DVL3: variants seen among roughly 807,000 people sequenced by gnomAD.
The protein encoded by DVL3 is segment polarity protein dishevelled homolog DVL-3.
DVL3 carries 27 observed loss-of-function variants against 67.4 expected under a neutral mutation model. The observed-to-expected ratio is 0.40, with a 90% CI of 0.30 to 0.55. The LOEUF (loss-of-function observed/expected upper bound fraction) is 0.55, where lower values mean the gene tolerates loss of function less well. DVL3 is among the 20% of genes least tolerant of loss of function. The pLI is 0.46. For missense variants in DVL3, 819 were observed against 1,021.5 expected, an observed-to-expected ratio of 0.80 and a Z score of 2.70; for synonymous variants, 369 against 396.8, an observed-to-expected ratio of 0.93 and a Z score of 0.83.
At position 184,164,335 on chromosome 3, in the gene DVL3, A is replaced by G. The variant is rs373870236; in HGVS notation, c.300A>G (p.Pro100=). 1 of 1,614,018 alleles carries G rather than the reference A, an allele frequency of 6.2e-7. No individual in the cohort carries two copies. Among genetic ancestry groups the G allele is most frequent in the East Asian group, 2.2e-5 (1 of 44,854 alleles). ...PFCADNPSEL[P]PPMERTGGIG... Reference sequence around the variant, plus strand: ...GTGCTGATAACCCATCGGAGCTGCCACCACCTATGGAGCGCACGGGAGGCA... The same window carrying G: ...GTGCTGATAACCCATCGGAGCTGCCGCCACCTATGGAGCGCACGGGAGGCA... Residue 100 remains proline, a synonymous_variant, in exon 3 of 15, where the codon CCA becomes CCG. Transcript: ENST00000313143. This position sits in a 1 kb window ranked among gnomAD's most constrained non-coding sequence, Gnocchi z 5.3.
At chr3:184,161,470 C>T (rs1178698746) in intron 1 of DVL3, among the ~76,000 whole-genome samples, 1 of 152,010 alleles carries the variant, frequency 6.6e-6, no homozygotes, top group East Asian at 1.9e-4. Context: ...AACTTCCCAA[C>T]CTCCTCCTTG....
chr3:184,157,480 C>T (rs997405891), intron 1 of DVL3, among the ~76,000 whole-genome samples: 1 of 152,190 alleles, frequency 6.6e-6, no homozygotes, highest in African/African-American at 2.4e-5. Context: ...CTCTGGGCTG[C>T]TCTCCCAATC....
Position 184,163,751 on chromosome 3 carries a change from C to A in DVL3, c.231+25C>A. On this transcript the variant is annotated intron_variant, in intron 2 of 14. Coordinates refer to ENST00000313143, the MANE Select transcript of DVL3 (RefSeq NM_004423.4). This position sits in a 1 kb window ranked among gnomAD's most constrained non-coding sequence, Gnocchi z 4.5. ...GGTAAGGAGCCCTCAGCCTTCCATCCACCTGCATCCCTGTGCTGGGCTGGA... is the reference window on the plus strand; with the variant it reads ...GGTAAGGAGCCCTCAGCCTTCCATCAACCTGCATCCCTGTGCTGGGCTGGA... 1 of 1,605,362 alleles carries A rather than the reference C, an allele frequency of 6.2e-7. No individual in the cohort carries two copies. Among genetic ancestry groups the A allele is most frequent in the Non-Finnish European group, 8.5e-7 (1 of 1,172,158 alleles).
Position 184,167,004 on chromosome 3 carries a change from C to A in DVL3, c.1198+29C>A, listed in dbSNP as rs918007855. 1 of 1,611,412 alleles carries A rather than the reference C, an allele frequency of 6.2e-7. No individual in the cohort carries two copies. Among genetic ancestry groups the A allele is most frequent in the African/African-American group, 1.3e-5 (1 of 74,868 alleles). On this transcript the variant is annotated intron_variant, in intron 11 of 14. Coordinates refer to ENST00000313143, the MANE Select transcript of DVL3 (RefSeq NM_004423.4). The surrounding 1 kb of genome is among the most constrained non-coding windows in gnomAD (Gnocchi z 4.6). ...AGTGTCCCACCCTGTCTCCTGGGCC[C>A]AGCAGACAGGGCCAGGTGGGGGGAC...
In DVL3 at chr3:184,167,314, G is replaced by A. The variant is rs569956338; in HGVS notation, c.1199-266G>A. On this transcript the variant is annotated intron_variant, in intron 11 of 14. Transcript: ENST00000313143. The surrounding 1 kb of genome is among the most constrained non-coding windows in gnomAD (Gnocchi z 4.6). ...GGTGTAAAGTAAGCATTCAGTAAAC[G>A]GCAGCCATTTCGATTATCATCACAT... Among the ~76,000 whole-genome samples, 23 of 152,206 alleles carry A rather than the reference G, an allele frequency of 1.5e-4. No homozygotes were observed. The highest frequency in any genetic ancestry group is 4.2e-4 in the South Asian group (2 of 4,816).
Position 184,167,552 on chromosome 3 carries a change from G to A in DVL3, c.1199-28G>A, listed in dbSNP as rs866251001. 5.0e-6 allele frequency: 8 copies of A among 1,608,836 alleles called. No individual in the cohort carries two copies. In the Middle Eastern group the frequency reaches 6.6e-4, roughly 133 times the overall value. Reference sequence around the variant, plus strand: ...TTACCTAACTCCAAAGCCCCTTTCTGCCTCACCATTCTGCCTCCCACCCCC... The same window carrying A: ...TTACCTAACTCCAAAGCCCCTTTCTACCTCACCATTCTGCCTCCCACCCCC... On this transcript the variant is annotated intron_variant, in intron 11 of 14. Transcript: ENST00000313143. The surrounding 1 kb of genome is among the most constrained non-coding windows in gnomAD (Gnocchi z 4.6).
Position 184,171,055 on chromosome 3 carries a change from C to T in DVL3, c.*300C>T. The stretch of plus-strand genomic sequence containing the variant: ...ACTTGTTGGTGCTACCCCTTACTCC[C>T]CTCTGCAACCCCCATTTTGGGAGTT... On this transcript the variant is annotated 3_prime_UTR_variant, in exon 15 of 15. Coordinates refer to ENST00000313143, the MANE Select transcript of DVL3 (RefSeq NM_004423.4). The T allele has an allele frequency of 7.7e-7, 1 of 1,301,130 alleles. No individual in the cohort carries two copies. The highest frequency in any genetic ancestry group is 9.8e-7 in the Non-Finnish European group (1 of 1,015,294). The allele number at this position is 1,301,130 out of a possible 1,614,324, so 80.6% of individuals were successfully genotyped here.
In DVL3 at chr3:184,167,803, T is replaced by G. The variant is rs747912234; in HGVS notation, c.1330+92T>G. 6.3e-7 allele frequency: 1 copy of G among 1,598,728 alleles called. No homozygotes were observed. The highest frequency in any genetic ancestry group is 8.5e-7 in the Non-Finnish European group (1 of 1,171,736). On this transcript the variant is annotated intron_variant, in intron 12 of 14. Transcript: ENST00000313143. The surrounding 1 kb of genome is among the most constrained non-coding windows in gnomAD (Gnocchi z 4.6). ...CCAGGACTTGCCTTGGACCCTTCCT[T>G]TGATCTGGAGCCAGCCCCAGCCTCA...
chr3:184,172,740 T>C lies in DVL3; in HGVS notation c.*1985T>C, dbSNP rs1371123399. On this transcript the variant is annotated 3_prime_UTR_variant, in exon 15 of 15. Coordinates refer to ENST00000313143, the MANE Select transcript of DVL3 (RefSeq NM_004423.4). ...GTGAGATTCTGTCTCAAAAGCAAAC[T>C]AACAAAGAAAAACAATACTTCCTGG... 1 of 152,156 alleles carries C rather than the reference T, an allele frequency of 6.6e-6. No homozygotes were observed. The highest frequency in any genetic ancestry group is 1.9e-4 in the East Asian group (1 of 5,186). 9.4% of individuals were successfully genotyped at this position (152,156 alleles called of 1,614,324 possible). A position where few individuals can be genotyped will look rare whatever the true frequency, so the allele number is the denominator to read the frequency against.
Position 184,164,584 on chromosome 3 carries a change from GGGAT to G in DVL3, c.449_452del (p.Asp150AlafsTer8). On this transcript the variant is annotated frameshift_variant, in exon 4 of 15. Coordinates refer to ENST00000313143, the MANE Select transcript of DVL3 (RefSeq NM_004423.4). LOFTEE classifies it high-confidence loss of function. This position sits in a 1 kb window ranked among gnomAD's most constrained non-coding sequence, Gnocchi z 5.3. Reference sequence around the variant, plus strand: ...GCCCAGCGAGAGCGGCCACGCCGGAGGGATGGCCCAGAGCATGGTATATCTTCCT... The same window carrying G: ...GCCCAGCGAGAGCGGCCACGCCGGAGGGCCCAGAGCATGGTATATCTTCCT... 6.4e-7 allele frequency: 1 copy of G among 1,559,688 alleles called. No homozygotes were observed. Among genetic ancestry groups the G allele is most frequent in the Non-Finnish European group, 8.7e-7 (1 of 1,152,184 alleles).
In DVL3 at chr3:184,164,325, C is replaced by G. The variant is rs781210884; in HGVS notation, c.290C>G (p.Ser97Trp). 4 of 1,613,996 alleles carry G rather than the reference C, an allele frequency of 2.5e-6. No individual in the cohort carries two copies. Among genetic ancestry groups the G allele is most frequent in the Admixed American group, 1.7e-5 (1 of 59,990 alleles). Residue 97 changes from serine (S) to tryptophan (W), a missense_variant, in exon 3 of 15, where the codon TCG (serine) becomes TGG (tryptophan). Coordinates refer to ENST00000313143, the MANE Select transcript of DVL3 (RefSeq NM_004423.4). This position sits in a 1 kb window ranked among gnomAD's most constrained non-coding sequence, Gnocchi z 5.3. ...DPAPFCADNP[S>W]ELPPPMERTG... ...GCCCCCTTCTGTGCTGATAACCCAT[C>G]GGAGCTGCCACCACCTATGGAGCGC...
chr3:184,170,247 G>C lies in DVL3; in HGVS notation c.1714+26G>C, dbSNP rs767710596. 24 of 1,609,198 alleles carry C rather than the reference G, an allele frequency of 1.5e-5. 1 individual carries two copies. The Admixed American group carries it at 3.4e-4, about 23-fold the overall frequency. On this transcript the variant is annotated intron_variant, in intron 14 of 14. Coordinates refer to ENST00000313143, the MANE Select transcript of DVL3 (RefSeq NM_004423.4). The surrounding 1 kb of genome is among the most constrained non-coding windows in gnomAD (Gnocchi z 6.5). ...GTAAGGTAGAGGGGCCGTGGAGGAA[G>C]GCTATAGGTGGGCCCCAGGCTTCCC...
chr3:184,167,603 A>G lies in DVL3; in HGVS notation c.1222A>G (p.Ile408Val), dbSNP rs1239229802. 3 of 1,613,880 alleles carry G rather than the reference A, an allele frequency of 1.9e-6. No individual in the cohort carries two copies. In the African/African-American group the frequency reaches 4.0e-5, roughly 22 times the overall value. Residue 408 changes from isoleucine (I) to valine (V), a missense_variant, in exon 12 of 15, where the codon ATC becomes GTC. Ile to Val is a conservative substitution (Grantham distance 29). Around this residue, in one of 3 missense-constraint regions of DVL3, gnomAD observed 110 missense variants for 203.4 expected, o/e 0.54. Transcript: ENST00000313143. This position sits in a 1 kb window ranked among gnomAD's most constrained non-coding sequence, Gnocchi z 4.6. ...TERLDDFHLS[I>V]HSDMAAIVKA... ...AGGCCTAGACGACTTCCACTTGTCCATCCACAGTGACATGGCTGCCATCGT... is the reference window on the plus strand; with the variant it reads ...AGGCCTAGACGACTTCCACTTGTCCGTCCACAGTGACATGGCTGCCATCGT...
At position 184,170,657 on chromosome 3, in the gene DVL3, C is replaced by A; in HGVS notation, c.2053C>A (p.Arg685Ser). 1 of 1,612,806 alleles carries A rather than the reference C, an allele frequency of 6.2e-7. No homozygotes were observed. The highest frequency in any genetic ancestry group is 8.5e-7 in the Non-Finnish European group (1 of 1,179,466). Reference sequence around the variant, plus strand: ...GGGGCCCCCAGGAGCCCCTCCGGGCCGCGACCTGGCCTCAGTGCCCCCGGA... The same window carrying A: ...GGGGCCCCCAGGAGCCCCTCCGGGCAGCGACCTGGCCTCAGTGCCCCCGGA... The part of the protein sequence containing the change: ...AMGPPGAPPG[R>S]DLASVPPELT... Residue 685 changes from arginine (R) to serine (S), a missense_variant, in exon 15 of 15, where the codon CGC becomes AGC. This residue lies in a region of DVL3 where 324 missense variants were observed against 331.3 expected (regional missense o/e 0.98). Coordinates refer to ENST00000313143, the MANE Select transcript of DVL3 (RefSeq NM_004423.4). This position sits in a 1 kb window ranked among gnomAD's most constrained non-coding sequence, Gnocchi z 6.5.
intron 13 of DVL3, among the ~76,000 whole-genome samples, chr3:184,168,672 C>T (rs1327041831): frequency 6.6e-6 from 1 of 152,186 alleles, no homozygotes; most frequent in African/African-American, 2.4e-5. Context: ...GGGGCTGGCT[C>T]TTCTTAGGGC....
In DVL3 at chr3:184,170,646, C is replaced by G; in HGVS notation, c.2042C>G (p.Ala681Gly). The change falls in exon 15 of 15, where the codon GCC (alanine) becomes GGC (glycine). Residue 681 changes from alanine (A) to glycine (G), a missense_variant. Around this residue, in one of 3 missense-constraint regions of DVL3, gnomAD observed 324 missense variants for 331.3 expected, o/e 0.98. Transcript: ENST00000313143. The surrounding 1 kb of genome is among the most constrained non-coding windows in gnomAD (Gnocchi z 6.5). The part of the protein sequence containing the change: ...PPPAAMGPPG[A>G]PPGRDLASVP... ...CCCGCGGCCATGGGGCCCCCAGGAGCCCCTCCGGGCCGCGACCTGGCCTCA... is the reference window on the plus strand; with the variant it reads ...CCCGCGGCCATGGGGCCCCCAGGAGGCCCTCCGGGCCGCGACCTGGCCTCA... 1 of 1,611,810 alleles carries G rather than the reference C, an allele frequency of 6.2e-7. No homozygotes were observed. The highest frequency in any genetic ancestry group is 8.5e-7 in the Non-Finnish European group (1 of 1,178,868).
At chr3:184,169,920 G>A (rs1274931076) in intron 13 of DVL3, 86 bp from the exon 14 acceptor site, 8 of 1,233,862 alleles carry the variant, frequency 6.5e-6, no homozygotes, top group African/African-American at 4.6e-5. Flanking sequence ...AAACTACCAC[G>A]GTCTCTCTCA....
intron 13 of DVL3, among the ~76,000 whole-genome samples, chr3:184,168,917 T>C (rs1018117848): frequency 2.0e-5 from 3 of 152,076 alleles, no homozygotes; most frequent in Admixed American, 1.3e-4. Context: ...ATGAGTAATG[T>C]TGGTGGAGTG....
chr3:184,161,115 C>T (rs1714364864), intron 1 of DVL3, among the ~76,000 whole-genome samples: 1 of 152,158 alleles, frequency 6.6e-6, no homozygotes, highest in Non-Finnish European at 1.5e-5. Context: ...ATTCCCAGCT[C>T]TGGGCAGAAG....
Sources: allele counts gnomAD v4.1 joint callset (sites outside exome capture counted in the v4.1 genomes callset), GRCh38; gene constraint gnomAD v4.1.1; regional missense constraint gnomAD v4.1.1; non-coding constraint Gnocchi (gnomAD v3.1); transcripts MANE v1.5; gene names NCBI Gene and HGNC (gene_info 2026-07-23, HGNC 2026-07-21).